The following PCDH15 variants were observed in gnomAD, a reference collection of about 807,000 sequenced individuals.
The protein encoded by PCDH15 is protocadherin related 15, also known as protocadherin-15.
Under a neutral mutation model 178.5 loss-of-function variants are expected in PCDH15, and 129 were observed. That is an observed-to-expected ratio of 0.72 (90% confidence interval 0.63 to 0.84). The LOEUF (loss-of-function observed/expected upper bound fraction) is 0.84, where lower values mean the gene tolerates loss of function less well. Ranked by LOEUF, PCDH15 falls within the 40% of genes least tolerant of loss-of-function variation. PCDH15 has a pLI of 0.00. For synonymous variants in PCDH15, 800 were observed against 732.0 expected (o/e 1.09, Z -1.50); for missense variants, 2,230 against 2,099.9 (o/e 1.06, Z -1.21).
intron 2 of PCDH15, among the ~76,000 whole-genome samples, chr10:54,583,031 GC>G (rs80024299): frequency 0.94 from 142,622 of 152,086 alleles, 67,126 homozygotes; most frequent in Middle Eastern, 0.98. Flanking sequence ...TACAATCTGA[GC>G]TTTTTGATCA....
chr10:54,228,058 A>G (rs1051214119), intron 9 of PCDH15, among the ~76,000 whole-genome samples: 8 of 152,002 alleles, frequency 5.3e-5, no homozygotes, highest in African/African-American at 1.7e-4. Context: ...AACTGTTCCA[A>G]TCTCTGCCTG....
chr10:54,116,237 C>CAAAAAAAAAAAAA lies in PCDH15; in HGVS notation c.1917+16625_1917+16637dup, dbSNP rs58948747. ...GTCAATGGAATGGGCACTGAAAATG[C>CAAAAAAAAAAAAA]AAAAAAAAAAAAAAAAAGCCATTTG... On this transcript the variant is annotated intron_variant, in intron 15 of 37. Coordinates refer to ENST00000644397, the MANE Select transcript of PCDH15 (RefSeq NM_001384140.1). Among the ~76,000 whole-genome samples the CAAAAAAAAAAAAA allele has an allele frequency of 1.6e-5, 2 of 124,748 alleles. 1 individual carries two copies. The highest frequency in any genetic ancestry group is 5.8e-5 in the African/African-American group (2 of 34,238). 81.8% of individuals were successfully genotyped at this position (124,748 alleles called of 152,430 possible).
intron 2 of PCDH15, among the ~76,000 whole-genome samples, chr10:54,573,748 C>A (rs938877190): frequency 6.6e-6 from 1 of 152,120 alleles, no homozygotes. Context: ...ATGACTTACC[C>A]TACCCTCTCT....
At chr10:54,448,271 T>A (rs2136250138) in intron 3 of PCDH15, among the ~76,000 whole-genome samples, 1 of 151,888 alleles carries the variant, frequency 6.6e-6, no homozygotes, top group Non-Finnish European at 1.5e-5. Context: ...GTCTTATCTA[T>A]TGTCTATGTT....
intron 3 of PCDH15, among the ~76,000 whole-genome samples, chr10:54,466,294 G>A (rs2077512240): frequency 6.6e-6 from 1 of 151,898 alleles, no homozygotes; most frequent in Non-Finnish European, 1.5e-5. Context: ...TTTTCTTCCA[G>A]TAGTTTTATA....
At chr10:54,474,497 A>T (rs1310117473) in intron 3 of PCDH15, among the ~76,000 whole-genome samples, 1 of 151,984 alleles carries the variant, frequency 6.6e-6, no homozygotes, top group African/African-American at 2.4e-5. Context: ...TATGATGACG[A>T]TCCTTTTTAA....
chr10:54,708,902 GA>G (rs1300903282), intron 1 of PCDH15, among the ~76,000 whole-genome samples: 1 of 151,662 alleles, frequency 6.6e-6, no homozygotes, highest in Non-Finnish European at 1.5e-5. Context: ...AATGATCTCT[GA>G]AAAAAAGGAA....
At chr10:54,370,312 C>T (rs1337662885) in intron 4 of PCDH15, among the ~76,000 whole-genome samples, 1 of 151,898 alleles carries the variant, frequency 6.6e-6, no homozygotes, top group Non-Finnish European at 1.5e-5. Context: ...TCTTAAAAAC[C>T]TTGTCTCCAA....
chr10:55,375,808 T>A (rs1422671486), intron 2 of PCDH15, among the ~76,000 whole-genome samples: 1 of 152,028 alleles, frequency 6.6e-6, no homozygotes, highest in Admixed American at 6.6e-5. Context: ...CATTTGCTCT[T>A]GGGAATTGCA....
At chr10:55,143,063 G>A (rs1838396750) in intron 2 of PCDH15, among the ~76,000 whole-genome samples, 1 of 151,986 alleles carries the variant, frequency 6.6e-6, no homozygotes, top group Non-Finnish European at 1.5e-5. Context: ...TTTAAAGTGT[G>A]GCACTTCCCC....
intron 25 of PCDH15, among the ~76,000 whole-genome samples, chr10:53,904,604 G>C (rs559916981): frequency 6.6e-5 from 10 of 152,032 alleles, no homozygotes; most frequent in African/African-American, 2.4e-4. Flanking sequence ...GTAGAATCAA[G>C]AGGAAAATCA....
intron 2 of PCDH15, among the ~76,000 whole-genome samples, chr10:54,577,259 T>TA: frequency 6.6e-6 from 1 of 150,738 alleles, no homozygotes; most frequent in Admixed American, 6.6e-5. Context: ...ATTTTTTTTT[T>TA]TTTTTGTAAT....
intron 2 of PCDH15, among the ~76,000 whole-genome samples, chr10:54,538,225 T>G (rs1440502891): frequency 6.6e-6 from 1 of 152,182 alleles, no homozygotes; most frequent in Non-Finnish European, 1.5e-5. Flanking sequence ...TAGGCTTCCT[T>G]TTAAGATTCT....
At chr10:54,003,230 A>G (rs914068385) in intron 20 of PCDH15, among the ~76,000 whole-genome samples, 2 of 152,194 alleles carry the variant, frequency 1.3e-5, no homozygotes, top group Admixed American at 6.5e-5. Context: ...TGAAGCCAAA[A>G]TTAGTAGAAG....
intron 2 of PCDH15, among the ~76,000 whole-genome samples, chr10:55,458,573 TA>T (rs1401822809): frequency 6.6e-6 from 1 of 151,914 alleles, no homozygotes; most frequent in Non-Finnish European, 1.5e-5. Flanking sequence ...TAGTGGCAAA[TA>T]AATAAGAAAC....
intron 3 of PCDH15, among the ~76,000 whole-genome samples, chr10:54,493,265 T>C (rs945765202): frequency 1.3e-5 from 2 of 151,952 alleles, no homozygotes; most frequent in African/African-American, 2.4e-5. Flanking sequence ...TTGGGATATA[T>C]TGTCTGTGGA....
intron 2 of PCDH15, among the ~76,000 whole-genome samples, chr10:55,326,087 T>A (rs757552098): frequency 6.6e-6 from 1 of 152,022 alleles, no homozygotes; most frequent in Non-Finnish European, 1.5e-5. Context: ...CATCAAAAAA[T>A]AACAGATGCT....
chr10:54,926,577 G>GT (rs1229660020), intron 2 of PCDH15, among the ~76,000 whole-genome samples: 1 of 151,796 alleles, frequency 6.6e-6, no homozygotes, highest in African/African-American at 2.4e-5. Context: ...AATCTGGCTG[G>GT]TGCTGGGCTT....
chr10:54,884,652 A>G (rs1282066470), intron 3 of PCDH15, among the ~76,000 whole-genome samples: 3 of 152,046 alleles, frequency 2.0e-5, no homozygotes, highest in Non-Finnish European at 2.9e-5. Flanking sequence ...AACAGTTTCA[A>G]GAGAGAAACA....
Sources: gnomAD v4.1 joint callset for allele counts (sites outside exome capture counted in the v4.1 genomes callset) on GRCh38, gnomAD v4.1.1 for gene constraint, MANE v1.5 for transcripts, NCBI Gene and HGNC (gene_info 2026-07-23, HGNC 2026-07-21) for gene names.